TENT5D: variants seen among roughly 807,000 people sequenced by gnomAD.
TENT5D encodes cancer/testis antigen 112.
For missense variants in TENT5D, 191 were observed against 287.0 expected, an observed-to-expected ratio of 0.67 and a Z score of 2.42; for synonymous variants, 103 against 100.6, an observed-to-expected ratio of 1.02 and a Z score of -0.15.
chrX:80,430,958 G>A (rs754099754), intron 1 of TENT5D, among the ~76,000 whole-genome samples: 1 of 111,271 alleles, frequency 9.0e-6, no homozygotes, highest in Non-Finnish European at 1.9e-5. Context: ...GAGAGATTAT[G>A]TAGTAGTTGG....
chrX:80,385,067 A>G (rs1057089382), intron 3 of TENT5D, among the ~76,000 whole-genome samples: 5 of 111,552 alleles, frequency 4.5e-5, no homozygotes, highest in African/African-American at 1.3e-4. Context: ...ATTGGAAAAA[A>G]CTACTTTAAA....
chrX:80,398,627 G>A (rs1931333997), intron 3 of TENT5D, among the ~76,000 whole-genome samples: 1 of 110,014 alleles, frequency 9.1e-6, no homozygotes, highest in Non-Finnish European at 1.9e-5. Context: ...TCGTGTATAT[G>A]GATATCTAGT....
intron 2 of TENT5D, among the ~76,000 whole-genome samples, chrX:80,339,870 T>G (rs183509917): frequency 2.0e-3 from 211 of 103,750 alleles, no homozygotes; most frequent in East Asian, 8.3e-3. Context: ...TATATATATA[T>G]ATAGAGAGAG....
At chrX:80,417,354 A>C (rs1464631571), upstream of TENT5D, among the ~76,000 whole-genome samples, 2 of 109,606 alleles carry the variant, frequency 1.8e-5, no homozygotes, top group African/African-American at 6.6e-5. Flanking sequence ...GTTATAAGCT[A>C]TTCATTATGC....
chrX:80,357,546 C>A (rs1488104459), intron 3 of TENT5D, among the ~76,000 whole-genome samples: 3 of 110,720 alleles, frequency 2.7e-5, no homozygotes, highest in African/African-American at 9.9e-5. Flanking sequence ...GTTTTTTGGC[C>A]GCATAAATGT....
At chrX:80,376,353 A>C (rs895693500) in intron 3 of TENT5D, among the ~76,000 whole-genome samples, 6 of 111,415 alleles carry the variant, frequency 5.4e-5, no homozygotes, top group Admixed American at 3.8e-4. Flanking sequence ...CTAGATGGCT[A>C]TAGTCAGATA....
chrX:80,397,575 A>C lies in TENT5D; in HGVS notation c.-141-41035A>C, dbSNP rs776564413. On this transcript the variant is annotated intron_variant, in intron 3 of 4. Coordinates refer to the TENT5D transcript ENST00000538312. The stretch of plus-strand genomic sequence containing the variant: ...TCTCGGCACTTTGGGAGGCCAAGGC[A>C]GGTGGCTGGGAGGTGGAGGTTGTAG... Among the ~76,000 whole-genome samples, 424 of 112,073 alleles carry C rather than the reference A, an allele frequency of 3.8e-3. 5 individuals carry two copies. The highest frequency in any genetic ancestry group is 0.013 in the African/African-American group (411 of 30,892).
At chrX:80,413,185 T>C (rs1178964897) in intron 3 of TENT5D, among the ~76,000 whole-genome samples, 1 of 112,130 alleles carries the variant, frequency 8.9e-6, no homozygotes, top group African/African-American at 3.2e-5. Context: ...TATTAAAGAT[T>C]TAGTTAAGCC....
At chrX:80,416,067 G>A (rs1447244897), upstream of TENT5D, among the ~76,000 whole-genome samples, 1 of 110,122 alleles carries the variant, frequency 9.1e-6, no homozygotes, top group East Asian at 2.8e-4. Context: ...AGGTTTTCTA[G>A]TTTGTGTGTG....
intron 3 of TENT5D, among the ~76,000 whole-genome samples, chrX:80,378,650 G>A: frequency 9.0e-6 from 1 of 110,987 alleles, no homozygotes; most frequent in South Asian, 3.8e-4. Context: ...CTCTGTTTTG[G>A]TAGCAGTACC....
chrX:80,385,188 T>A (rs763149981), intron 3 of TENT5D, among the ~76,000 whole-genome samples: 10 of 111,631 alleles, frequency 9.0e-5, no homozygotes, highest in African/African-American at 3.3e-4. Context: ...AAGGCTACAG[T>A]AACCAAAACA....
chrX:80,442,809 G>A (rs1932313878), exon 3 of TENT5D: 2 of 1,211,278 alleles, frequency 1.7e-6, no homozygotes, highest in African/African-American at 3.5e-5. Context: ...TTGGTGTTGA[G>A]CTTCCAGGTA....
intron 3 of TENT5D, among the ~76,000 whole-genome samples, chrX:80,383,730 C>A (rs1159096677): frequency 9.0e-6 from 1 of 111,103 alleles, no homozygotes; most frequent in Non-Finnish European, 1.9e-5. Context: ...GTGGTGGGCA[C>A]CTGTAGTCCC....
At chrX:80,365,523 T>C (rs1352968845) in intron 3 of TENT5D, among the ~76,000 whole-genome samples, 1 of 110,977 alleles carries the variant, frequency 9.0e-6, no homozygotes, top group Non-Finnish European at 1.9e-5. Flanking sequence ...AAACTAAAGC[T>C]CCCAGAAATA....
At chrX:80,426,614 G>C (rs917382392) in intron 1 of TENT5D, among the ~76,000 whole-genome samples, 2 of 111,743 alleles carry the variant, frequency 1.8e-5, no homozygotes, top group African/African-American at 6.5e-5. Flanking sequence ...TGTATATACA[G>C]AGTTTTCATG....
intron 3 of TENT5D, among the ~76,000 whole-genome samples, chrX:80,380,043 G>T (rs1422576798): frequency 3.8e-5 from 4 of 106,274 alleles, no homozygotes; most frequent in African/African-American, 1.4e-4. Context: ...TCTTTTAATT[G>T]TGATGTTAGG....
intron 1 of TENT5D, among the ~76,000 whole-genome samples, chrX:80,436,444 AG>A (rs766595746): frequency 1.8e-3 from 195 of 110,658 alleles, no homozygotes; most frequent in African/African-American, 6.1e-3. Context: ...CAGGACGTGC[AG>A]GTTTGTTACA....
intron 3 of TENT5D, among the ~76,000 whole-genome samples, chrX:80,390,397 C>G (rs1217681354): frequency 9.0e-6 from 1 of 111,693 alleles, no homozygotes; most frequent in African/African-American, 3.2e-5. Flanking sequence ...TAGTGTTATT[C>G]TCTAGGCACA....
intron 3 of TENT5D, among the ~76,000 whole-genome samples, chrX:80,392,609 C>T (rs1167558006): frequency 6.2e-5 from 6 of 97,009 alleles, no homozygotes; most frequent in Admixed American, 2.4e-4. Flanking sequence ...CTCCGCTTCC[C>T]GGGTTCACGC....
Sources: gnomAD v4.1 joint callset for allele counts (sites outside exome capture counted in the v4.1 genomes callset) on GRCh38, gnomAD v4.1.1 for gene constraint, MANE v1.5 for transcripts, NCBI Gene and HGNC (gene_info 2026-07-23, HGNC 2026-07-21) for gene names.